The following NAALADL2 variants were observed in gnomAD, a reference collection of about 807,000 sequenced individuals.
NAALADL2 encodes the protein N-acetylated alpha-linked acidic dipeptidase like 2.
NAALADL2 carries 76 observed loss-of-function variants against 87.2 expected under a neutral mutation model. The observed-to-expected ratio is 0.87, with a 90% confidence interval of 0.72 to 1.05. The LOEUF is 1.05. Among genes scored for constraint, NAALADL2 ranks in the 50% least tolerant of loss-of-function variants. NAALADL2 has a pLI of 0.00. For missense variants in NAALADL2, 1,089 were observed against 945.8 expected (o/e 1.15, Z -1.99); for synonymous variants, 354 against 331.0 (o/e 1.07, Z -0.75).
intron 5 of NAALADL2, among the ~76,000 whole-genome samples, chr3:175,426,081 T>C (rs1456023622): frequency 6.6e-6 from 1 of 152,120 alleles, no homozygotes. Flanking sequence ...CAATGACTTA[T>C]GGCCGGGTGC....
At chr3:175,436,239 C>G (rs1254564848) in intron 5 of NAALADL2, among the ~76,000 whole-genome samples, 21 of 143,186 alleles carry the variant, frequency 1.5e-4, no homozygotes, top group African/African-American at 3.7e-4. Flanking sequence ...TTTTCTTAAT[C>G]CAGTCTATCA....
At chr3:174,928,657 A>G (rs1343233021) in intron 1 of NAALADL2, among the ~76,000 whole-genome samples, 2 of 152,222 alleles carry the variant, frequency 1.3e-5, no homozygotes, top group Non-Finnish European at 2.9e-5. Context: ...AAGCAAACTG[A>G]TGATAATTCT....
At chr3:175,299,474 C>T (rs1266003125) in intron 4 of NAALADL2, among the ~76,000 whole-genome samples, 2 of 151,866 alleles carry the variant, frequency 1.3e-5, no homozygotes, top group African/African-American at 4.8e-5. Flanking sequence ...TTTCCTAGAG[C>T]AGTGGTTTGT....
intron 3 of NAALADL2, among the ~76,000 whole-genome samples, chr3:175,248,346 A>C (rs1042734347): frequency 4.6e-5 from 7 of 152,222 alleles, no homozygotes; most frequent in African/African-American, 1.7e-4. Flanking sequence ...TACTTGTAAC[A>C]GTGCTGGGTA....
At chr3:175,407,739 C>T (rs1712665762) in intron 5 of NAALADL2, among the ~76,000 whole-genome samples, 1 of 152,144 alleles carries the variant, frequency 6.6e-6, no homozygotes, top group African/African-American at 2.4e-5. Context: ...ATTTCTAAAT[C>T]AGGATGCATG....
intron 2 of NAALADL2, among the ~76,000 whole-genome samples, chr3:174,665,102 G>A (rs1347162069): frequency 6.6e-6 from 1 of 152,168 alleles, no homozygotes; most frequent in Non-Finnish European, 1.5e-5. Context: ...GACCATTGAT[G>A]CAGTACTTCT....
intron 1 of NAALADL2, among the ~76,000 whole-genome samples, chr3:175,088,548 A>C (rs1261909937): frequency 6.6e-6 from 1 of 152,238 alleles, no homozygotes; most frequent in African/African-American, 2.4e-5. Flanking sequence ...AAACAGAGGA[A>C]TATAAGTTTA....
At chr3:175,003,670 C>T (rs1748560946) in intron 1 of NAALADL2, among the ~76,000 whole-genome samples, 1 of 152,102 alleles carries the variant, frequency 6.6e-6, no homozygotes, top group East Asian at 1.9e-4. Flanking sequence ...CTTCAGTAAA[C>T]TGGAAGAAAT....
At chr3:174,658,362 A>G (rs1214521850) in intron 2 of NAALADL2, among the ~76,000 whole-genome samples, 3 of 152,148 alleles carry the variant, frequency 2.0e-5, no homozygotes, top group Non-Finnish European at 4.4e-5. Context: ...CATTTCCCTG[A>G]TGACATATGA....
chr3:175,369,567 G>A (rs1298550023), intron 5 of NAALADL2: 2 of 152,298 alleles, frequency 1.3e-5, no homozygotes, highest in East Asian at 3.9e-4. Context: ...CACCTGATAT[G>A]TGTATGTGTA....
At chr3:174,949,062 A>G (rs1159031390) in intron 1 of NAALADL2, among the ~76,000 whole-genome samples, 3 of 152,128 alleles carry the variant, frequency 2.0e-5, no homozygotes, top group South Asian at 2.1e-4. Context: ...AAAGACACAA[A>G]TTCCTTTTAT....
intron 6 of NAALADL2, among the ~76,000 whole-genome samples, chr3:175,457,474 T>C (rs191275031): frequency 6.6e-6 from 1 of 152,224 alleles, no homozygotes; most frequent in South Asian, 2.1e-4. Flanking sequence ...TGTTCACTGA[T>C]ACGTGTTGCC....
chr3:175,394,838 G>A (rs1769554229), intron 5 of NAALADL2, among the ~76,000 whole-genome samples: 1 of 152,072 alleles, frequency 6.6e-6, no homozygotes, highest in Admixed American at 6.6e-5. Context: ...CCAAGTCTGA[G>A]GTGCAACAGC....
In NAALADL2 at chr3:175,792,021, TAAAA is replaced by T. The variant is rs570310197; in HGVS notation, c.2190-10978_2190-10975del. On this transcript the variant is annotated intron_variant, in intron 13 of 13. Coordinates refer to ENST00000454872, the MANE Select transcript of NAALADL2 (RefSeq NM_207015.3). ...AAAATGCCTGTCTAGTACTTGCATT[TAAAA>T]AAAAATAAATGGTACTTTGAAATGA... 6.2e-3 allele frequency among the ~76,000 whole-genome samples: 934 copies of T among 151,118 alleles called. 11 individuals are homozygous for T. Among genetic ancestry groups the T allele is most frequent in the Admixed American group, 0.029 (438 of 15,172 alleles).
chr3:175,505,878 A>G (rs1730239477), intron 9 of NAALADL2, among the ~76,000 whole-genome samples: 1 of 152,172 alleles, frequency 6.6e-6, no homozygotes, highest in Non-Finnish European at 1.5e-5. Context: ...GACTTACATC[A>G]TTGGATTTTT....
chr3:174,519,857 C>T (rs1720167846), intron 1 of NAALADL2, among the ~76,000 whole-genome samples: 1 of 152,020 alleles, frequency 6.6e-6, no homozygotes, highest in African/African-American at 2.4e-5. Context: ...TAAGGAGAGC[C>T]ACCTATGACA....
chr3:174,930,012 C>T (rs1214323098), intron 1 of NAALADL2, among the ~76,000 whole-genome samples: 1 of 152,090 alleles, frequency 6.6e-6, no homozygotes, highest in African/African-American at 2.4e-5. Context: ...TATCTTTACT[C>T]CAATCAAAGC....
At chr3:175,307,933 A>G (rs908830770) in intron 4 of NAALADL2, among the ~76,000 whole-genome samples, 1 of 152,188 alleles carries the variant, frequency 6.6e-6, no homozygotes, top group African/African-American at 2.4e-5. Flanking sequence ...CATGAGCAAA[A>G]CTTATTCAAT....
chr3:174,870,502 C>T (rs952194120), intron 1 of NAALADL2, among the ~76,000 whole-genome samples: 4 of 151,626 alleles, frequency 2.6e-5, no homozygotes, highest in South Asian at 2.1e-4. Context: ...TGTTTACCCA[C>T]GGAAATATTT....
Sources: gnomAD v4.1 joint callset for allele counts (sites outside exome capture counted in the v4.1 genomes callset) on GRCh38, gnomAD v4.1.1 for gene constraint, MANE v1.5 for transcripts, NCBI Gene and HGNC (gene_info 2026-07-23, HGNC 2026-07-21) for gene names.